Variants in RPH3A observed in about 807,000 individuals in gnomAD.
The protein encoded by RPH3A is rabphilin-3A.
RPH3A carries 48 observed loss-of-function variants against 102.2 expected under a neutral mutation model. The observed-to-expected ratio is 0.47, with a 90% CI of 0.37 to 0.60. The LOEUF (loss-of-function observed/expected upper bound fraction) is 0.60, where lower values mean the gene tolerates loss of function less well. Ranked by LOEUF, RPH3A falls within the 20% of genes least tolerant of loss-of-function variation. RPH3A has a pLI of 0.00. For synonymous variants in RPH3A, 310 were observed against 324.3 expected, an observed-to-expected ratio of 0.96 and a Z score of 0.47; for missense variants, 781 against 910.1, an observed-to-expected ratio of 0.86 and a Z score of 1.83.
At chr12:112,637,003 G>A (rs2039853392) in intron 1 of RPH3A, among the ~76,000 whole-genome samples, 1 of 152,086 alleles carries the variant, frequency 6.6e-6, no homozygotes, top group Non-Finnish European at 1.5e-5. Flanking sequence ...CCACTTTGTT[G>A]AACCCTGAAT....
chr12:112,643,933 G>A (rs1240430048), intron 1 of RPH3A, among the ~76,000 whole-genome samples: 1 of 152,180 alleles, frequency 6.6e-6, no homozygotes, highest in Non-Finnish European at 1.5e-5. Flanking sequence ...TAAAGAAAAT[G>A]TAGTATATAT....
chr12:112,736,443 A>G (rs1314546661), intron 1 of RPH3A, among the ~76,000 whole-genome samples: 2 of 152,146 alleles, frequency 1.3e-5, no homozygotes, highest in African/African-American at 4.8e-5. Flanking sequence ...TCAGGCTGGG[A>G]CTTTGTCTTC....
chr12:112,753,509 C>T (rs188299503), intron 1 of RPH3A, among the ~76,000 whole-genome samples: 2 of 152,254 alleles, frequency 1.3e-5, no homozygotes, highest in East Asian at 1.9e-4. Context: ...CCTCAGATGC[C>T]CTACTTTGCA....
chr12:112,868,823 T>C (rs2042657130), intron 8 of RPH3A: 1 of 458,156 alleles, frequency 2.2e-6, no homozygotes, highest in African/African-American at 1.9e-5. Context: ...AGAGGCTTCA[T>C]TGTCATCCCT....
At chr12:112,811,967 G>C (rs1351505492) in intron 2 of RPH3A, among the ~76,000 whole-genome samples, 2 of 151,836 alleles carry the variant, frequency 1.3e-5, no homozygotes, top group African/African-American at 4.8e-5. Flanking sequence ...CTTTCTTCTG[G>C]GTTGGCCTCC....
chr12:112,768,669 C>T (rs2040907660), intron 1 of RPH3A, among the ~76,000 whole-genome samples: 1 of 152,170 alleles, frequency 6.6e-6, no homozygotes, highest in African/African-American at 2.4e-5. Context: ...TCTCAGCCAT[C>T]TGGGAGGCTG....
At chr12:112,842,369 C>T (rs2136180612) in intron 4 of RPH3A, among the ~76,000 whole-genome samples, 1 of 152,312 alleles carries the variant, frequency 6.6e-6, no homozygotes, top group Middle Eastern at 3.4e-3. Context: ...GTCTAGTTGA[C>T]CCTCATATGA....
At chr12:112,690,189 A>C (rs1248922831) in intron 1 of RPH3A, among the ~76,000 whole-genome samples, 3 of 152,246 alleles carry the variant, frequency 2.0e-5, no homozygotes, top group Non-Finnish European at 4.4e-5. Flanking sequence ...TAAAACATAA[A>C]ACATCATAAT....
intron 1 of RPH3A, among the ~76,000 whole-genome samples, chr12:112,739,130 A>G (rs2040689971): frequency 6.6e-6 from 1 of 152,204 alleles, no homozygotes; most frequent in African/African-American, 2.4e-5. Flanking sequence ...GATGTGATTG[A>G]GGAATTCACA....
chr12:112,703,819 TTCCTCCTGTG>T (rs1447631226), intron 1 of RPH3A, among the ~76,000 whole-genome samples: 1 of 152,202 alleles, frequency 6.6e-6, no homozygotes, highest in African/African-American at 2.4e-5. Flanking sequence ...GATTTGAGGT[TTCCTCCTGTG>T]TCTTCATTCA....
intron 1 of RPH3A, among the ~76,000 whole-genome samples, chr12:112,750,064 T>C (rs1027258234): frequency 2.8e-4 from 42 of 152,038 alleles, no homozygotes; most frequent in African/African-American, 9.2e-4. Flanking sequence ...ACACTGAAGG[T>C]GAAGGAGATA....
At chr12:112,842,252 C>G (rs1277333378) in intron 4 of RPH3A, among the ~76,000 whole-genome samples, 1 of 152,236 alleles carries the variant, frequency 6.6e-6, no homozygotes, top group Non-Finnish European at 1.5e-5. Flanking sequence ...ATTTGACACA[C>G]AGTTTCATAC....
intron 1 of RPH3A, among the ~76,000 whole-genome samples, chr12:112,663,726 G>T (rs997513984): frequency 6.6e-6 from 1 of 152,002 alleles, no homozygotes; most frequent in Non-Finnish European, 1.5e-5. Context: ...TTCAAAATCA[G>T]GAGTCCAGAC....
chr12:112,610,627 A>T (rs1566227613), intron 1 of RPH3A, among the ~76,000 whole-genome samples: 2 of 150,724 alleles, frequency 1.3e-5, no homozygotes, highest in Admixed American at 6.6e-5. Flanking sequence ...TAAAATTATT[A>T]TTTTATTTAT....
At chr12:112,788,855 C>G (rs950715468), upstream of RPH3A, among the ~76,000 whole-genome samples, 1 of 152,138 alleles carries the variant, frequency 6.6e-6, no homozygotes, top group Non-Finnish European at 1.5e-5. Flanking sequence ...TCTTGAATCA[C>G]TCTTCAAATG....
chr12:112,656,573 A>G (rs956161337), intron 1 of RPH3A, among the ~76,000 whole-genome samples: 1 of 150,384 alleles, frequency 6.6e-6, no homozygotes, highest in Non-Finnish European at 1.5e-5. Context: ...ATCCCTTCCC[A>G]CTCTTCCCCC....
intron 1 of RPH3A, among the ~76,000 whole-genome samples, chr12:112,672,085 T>C (rs961984330): frequency 1.3e-5 from 2 of 151,660 alleles, no homozygotes; most frequent in South Asian, 4.2e-4. Context: ...TTTAATGAAC[T>C]GGCTCATACA....
intron 1 of RPH3A, among the ~76,000 whole-genome samples, chr12:112,709,897 C>T (rs1169091415): frequency 6.6e-6 from 1 of 152,126 alleles, no homozygotes; most frequent in Non-Finnish European, 1.5e-5. Flanking sequence ...TAATTGTTTG[C>T]CCAAGGCCAC....
chr12:112,594,134 T>C (rs1324076062), intron 1 of RPH3A, among the ~76,000 whole-genome samples: 1 of 152,240 alleles, frequency 6.6e-6, no homozygotes, highest in Non-Finnish European at 1.5e-5. Context: ...TGTGTTATTC[T>C]GGACCAATAG....
Sources: allele counts gnomAD v4.1 joint callset (sites outside exome capture counted in the v4.1 genomes callset), GRCh38; gene constraint gnomAD v4.1.1; transcripts MANE v1.5; gene names NCBI Gene and HGNC (gene_info 2026-07-23, HGNC 2026-07-21).